HHAT: variants seen among roughly 807,000 people sequenced by gnomAD.
HHAT encodes the protein hedgehog acyltransferase.
HHAT carries 47 observed loss-of-function variants against 70.8 expected under a neutral mutation model. The observed-to-expected ratio is 0.66, with a 90% CI of 0.53 to 0.85. The LOEUF (loss-of-function observed/expected upper bound fraction) is 0.85, where lower values mean the gene tolerates loss of function less well. Ranked by LOEUF, HHAT falls within the 40% of genes least tolerant of loss-of-function variation. The probability of loss-of-function intolerance (pLI) is 0.00; values close to 1 mark genes in which losing one functional copy is unlikely to be tolerated. For synonymous variants in HHAT, 228 were observed against 247.6 expected, an observed-to-expected ratio of 0.92 and a Z score of 0.74; for missense variants, 609 against 604.8, an observed-to-expected ratio of 1.01 and a Z score of -0.07.
At chr1:210,582,106 A>T (rs1659397615) in intron 9 of HHAT, among the ~76,000 whole-genome samples, 1 of 152,212 alleles carries the variant, frequency 6.6e-6, no homozygotes, top group Non-Finnish European at 1.5e-5. Context: ...GACTTCCTGG[A>T]GTTGGGAAAT....
Position 210,513,157 on chromosome 1 carries a change from T to G in HHAT, c.1012T>G (p.Phe338Val), listed in dbSNP as rs2094989779. 2.0e-6 allele frequency: 3 copies of G among 1,533,500 alleles called. No individual in the cohort carries two copies. In the South Asian group the frequency reaches 3.4e-5, roughly 18 times the overall value. 95.0% of individuals were successfully genotyped at this position (1,533,500 alleles called of 1,614,324 possible). ...MFSFTGMWRY[F>V]DVGLHNFLIR... ...GTCTATGTCTCTTTTGAACAGGTATTTTGATGTTGGACTGCATAATTTCTT... is the reference window on the plus strand; with the variant it reads ...GTCTATGTCTCTTTTGAACAGGTATGTTGATGTTGGACTGCATAATTTCTT... Residue 338 changes from phenylalanine to valine, a missense_variant, in exon 9 of 12, where the codon TTT becomes GTT. By Grantham distance (50) the Phe-to-Val change is conservative. Transcript: ENST00000261458.
intron 8 of HHAT, among the ~76,000 whole-genome samples, chr1:210,465,264 T>G (rs2094075346): frequency 6.6e-6 from 1 of 152,174 alleles, no homozygotes; most frequent in African/African-American, 2.4e-5. Context: ...TTTCTGAAAT[T>G]TTCTTTCTTT....
chr1:210,649,160 T>A (rs1330122827), intron 11 of HHAT, among the ~76,000 whole-genome samples: 2 of 152,158 alleles, frequency 1.3e-5, no homozygotes, highest in African/African-American at 4.8e-5. Flanking sequence ...CTCTGGTAAG[T>A]AATAGAGGGG....
chr1:210,503,180 G>C (rs1166413577), intron 8 of HHAT, among the ~76,000 whole-genome samples: 1 of 152,104 alleles, frequency 6.6e-6, no homozygotes, highest in Non-Finnish European at 1.5e-5. Flanking sequence ...GGCTGGTCTC[G>C]AACTCCTGGC....
intron 8 of HHAT, among the ~76,000 whole-genome samples, chr1:210,503,408 A>G (rs1366429725): frequency 6.6e-6 from 1 of 152,214 alleles, no homozygotes; most frequent in Non-Finnish European, 1.5e-5. Context: ...CAAGCAAACA[A>G]GCAAAACCAA....
At chr1:210,542,381 A>G (rs1052267000) in intron 9 of HHAT, among the ~76,000 whole-genome samples, 1 of 152,066 alleles carries the variant, frequency 6.6e-6, no homozygotes. Flanking sequence ...TGATTTCTTT[A>G]CAATTCAGCA....
chr1:210,332,867 TAC>T (rs2085115713), intron 1 of HHAT, among the ~76,000 whole-genome samples: 1 of 152,370 alleles, frequency 6.6e-6, no homozygotes, highest in African/African-American at 2.4e-5. Flanking sequence ...TTGGCAATCT[TAC>T]AGTCTTCTGT....
chr1:210,672,994 C>A (rs1680394111), intron 11 of HHAT, among the ~76,000 whole-genome samples: 1 of 152,078 alleles, frequency 6.6e-6, no homozygotes, highest in African/African-American at 2.4e-5. Context: ...TCGTTCGTTT[C>A]TTTTAACACA....
rs74401051 is a variant in HHAT, at chr1:210,590,743, C to T, written c.1245+2644C>T. On this transcript the variant is annotated intron_variant, in intron 10 of 11. Transcript: ENST00000261458. ...TTCAAATGTTAATCTCATCCAGAAA[C>T]GCCTTCACCAGAACACCCATGAATA... is the stretch of plus-strand genomic sequence containing the variant. Among the ~76,000 whole-genome samples the T allele has an allele frequency of 5.5e-3, 832 of 152,148 alleles. 7 individuals carry two copies. The highest frequency in any genetic ancestry group is 0.019 in the African/African-American group (789 of 41,528).
chr1:210,525,962 G>A (rs779278339), intron 9 of HHAT, among the ~76,000 whole-genome samples: 6 of 152,152 alleles, frequency 3.9e-5, no homozygotes, highest in Non-Finnish European at 4.4e-5. Flanking sequence ...TAATGCGTGC[G>A]CGATCTTTCT....
intron 3 of HHAT, among the ~76,000 whole-genome samples, chr1:210,378,875 A>G (rs2090426547): frequency 6.6e-6 from 1 of 152,228 alleles, no homozygotes; most frequent in African/African-American, 2.4e-5. Flanking sequence ...AACTGTTTTC[A>G]TAATGCTTTT....
intron 7 of HHAT, among the ~76,000 whole-genome samples, chr1:210,425,852 AAAT>A (rs954848990): frequency 4.6e-5 from 7 of 152,056 alleles, no homozygotes; most frequent in African/African-American, 1.4e-4. Context: ...ATGAATTTTA[AAAT>A]AATTTTTTTC....
intron 7 of HHAT, among the ~76,000 whole-genome samples, chr1:210,462,104 A>G (rs1466370395): frequency 6.6e-6 from 1 of 152,234 alleles, no homozygotes; most frequent in Admixed American, 6.5e-5. Flanking sequence ...TATGCCTTGA[A>G]TCTGACAACT....
chr1:210,329,169 ACT>A, intron 1 of HHAT, 65 bp downstream of exon 1: 1 of 1,235,414 alleles, frequency 8.1e-7, no homozygotes, highest in Non-Finnish European at 1.0e-6. Flanking sequence ...GCGTCAGTTT[ACT>A]CTGTTAAAAA....
At chr1:210,637,250 T>C (rs1672046091) in intron 11 of HHAT, among the ~76,000 whole-genome samples, 1 of 152,114 alleles carries the variant, frequency 6.6e-6, no homozygotes, top group Non-Finnish European at 1.5e-5. Flanking sequence ...ATATCTCACA[T>C]CATATACAAA....
At chr1:210,647,603 A>G (rs1416103188) in intron 11 of HHAT, among the ~76,000 whole-genome samples, 1 of 150,790 alleles carries the variant, frequency 6.6e-6, no homozygotes, top group African/African-American at 2.5e-5. Flanking sequence ...CTCCTTTTCT[A>G]CCCCCACCCC....
At chr1:210,468,380 G>T (rs2094143543) in intron 8 of HHAT, among the ~76,000 whole-genome samples, 1 of 152,068 alleles carries the variant, frequency 6.6e-6, no homozygotes, top group Non-Finnish European at 1.5e-5. Flanking sequence ...GTGAGTTGTG[G>T]GTCAGTTTCA....
intron 11 of HHAT, among the ~76,000 whole-genome samples, chr1:210,660,269 A>G (rs1677371805): frequency 6.6e-6 from 1 of 152,198 alleles, no homozygotes; most frequent in Admixed American, 6.5e-5. Context: ...ATACACCAAT[A>G]ACAGACAAAC....
intron 1 of HHAT, among the ~76,000 whole-genome samples, chr1:210,330,073 C>G (rs2084855252): frequency 6.6e-6 from 1 of 152,146 alleles, no homozygotes; most frequent in Non-Finnish European, 1.5e-5. Context: ...AGCTAAGGAC[C>G]TATTTCAATG....
Sources: allele counts gnomAD v4.1 joint callset (sites outside exome capture counted in the v4.1 genomes callset), GRCh38; gene constraint gnomAD v4.1.1; transcripts MANE v1.5; gene names NCBI Gene and HGNC (gene_info 2026-07-23, HGNC 2026-07-21).